MINDY4: variants seen among roughly 807,000 people sequenced by gnomAD.
The protein encoded by MINDY4 is MINDY lysine 48 deubiquitinase 4, also known as probable ubiquitin carboxyl-terminal hydrolase MINDY-4.
In MINDY4, 68 loss-of-function variants were observed where a neutral mutation model predicts 87.0. That is an observed-to-expected ratio of 0.78 (90% CI 0.64 to 0.96). The LOEUF (loss-of-function observed/expected upper bound fraction) is 0.96. Among genes scored for constraint, MINDY4 ranks in the 40% least tolerant of loss-of-function variants. MINDY4 has a pLI of 0.00. For synonymous variants in MINDY4, 379 were observed against 363.2 expected (o/e 1.04, Z -0.50); for missense variants, 919 against 928.2 (o/e 0.99, Z 0.13).
intron 17 of MINDY4, among the ~76,000 whole-genome samples, chr7:30,889,642 A>C (rs10227211): frequency 0.29 from 43,639 of 151,832 alleles, 9,517 homozygotes; most frequent in African/African-American, 0.61. Context: ...AACCCAATAG[A>C]CTCCTCTGGA....
At chr7:30,872,382 C>T (rs1228830650) in intron 14 of MINDY4, 76 bp downstream of exon 14, 2 of 1,366,492 alleles carry the variant, frequency 1.5e-6, no homozygotes, top group South Asian at 1.2e-5. Context: ...CCTCCTCCCT[C>T]CTCTTGCCCC....
intron 5 of MINDY4, among the ~76,000 whole-genome samples, chr7:30,808,946 AGAGAGAGAGAG>A (rs1787899954): frequency 1.0e-5 from 1 of 97,168 alleles, no homozygotes; most frequent in African/African-American, 3.8e-5. Flanking sequence ...AGAGAGAGAG[AGAGAGAGAGAG>A]GCAGAGAGAG....
chr7:30,771,919 C>G (rs1786651201), intron 1 of MINDY4, among the ~76,000 whole-genome samples: 1 of 152,230 alleles, frequency 6.6e-6, no homozygotes, highest in African/African-American at 2.4e-5. Context: ...CTGCCGGCCT[C>G]CGTGCGCTAC....
chr7:30,816,699 G>A (rs993939246), intron 5 of MINDY4, among the ~76,000 whole-genome samples: 1 of 151,936 alleles, frequency 6.6e-6, no homozygotes, highest in African/African-American at 2.4e-5. Context: ...AGAGACTTGG[G>A]TATGCAGCCC....
At chr7:30,807,573 C>T (rs917544359) in intron 5 of MINDY4, among the ~76,000 whole-genome samples, 6 of 152,078 alleles carry the variant, frequency 3.9e-5, no homozygotes, top group Non-Finnish European at 7.3e-5. Context: ...CAATTTCTGC[C>T]TCCAAAGAAA....
At chr7:30,800,031 A>G (rs1021946969) in intron 5 of MINDY4, among the ~76,000 whole-genome samples, 5 of 151,934 alleles carry the variant, frequency 3.3e-5, no homozygotes, top group African/African-American at 7.3e-5. Flanking sequence ...GCAGTGTGCA[A>G]CCTCCTAGAT....
At chr7:30,846,204 T>C (rs547793322) in intron 9 of MINDY4, among the ~76,000 whole-genome samples, 1 of 152,236 alleles carries the variant, frequency 6.6e-6, no homozygotes, top group African/African-American at 2.4e-5. Context: ...CTACCCCCTA[T>C]TGCAGCTTTT....
At chr7:30,838,852 C>T (rs1260072972) in intron 7 of MINDY4, among the ~76,000 whole-genome samples, 1 of 152,104 alleles carries the variant, frequency 6.6e-6, no homozygotes, top group African/African-American at 2.4e-5. Context: ...AGTTTGAAAA[C>T]CCCTAGTCTT....
chr7:30,880,218 TTAAG>T (rs1790415655), intron 15 of MINDY4, among the ~76,000 whole-genome samples: 1 of 150,586 alleles, frequency 6.6e-6, no homozygotes, highest in Non-Finnish European at 1.5e-5. Context: ...CCCTAGAAGA[TTAAG>T]TAATCCCTAA....
intron 15 of MINDY4, among the ~76,000 whole-genome samples, chr7:30,879,020 C>A (rs971916566): frequency 6.6e-6 from 1 of 152,328 alleles, no homozygotes; most frequent in East Asian, 1.9e-4. Context: ...CCAGTGTGAT[C>A]TTTAAAAATA....
chr7:30,802,853 A>G (rs879301050), intron 5 of MINDY4, among the ~76,000 whole-genome samples: 2 of 151,858 alleles, frequency 1.3e-5, no homozygotes, highest in African/African-American at 4.8e-5. Flanking sequence ...GACCAACCAA[A>G]CCAACCAACC....
intron 13 of MINDY4, among the ~76,000 whole-genome samples, chr7:30,867,744 G>A (rs1440524717): frequency 2.0e-5 from 3 of 152,236 alleles, no homozygotes; most frequent in Non-Finnish European, 4.4e-5. Context: ...AGAGTGGCAA[G>A]CAGGAGCTGG....
intron 13 of MINDY4, 141 bp downstream of exon 13, chr7:30,859,465 T>C: frequency 1.3e-6 from 1 of 779,388 alleles, no homozygotes; most frequent in East Asian, 2.5e-5. Flanking sequence ...AGCAGTGGAG[T>C]AGGGGAAGGT....
intron 13 of MINDY4, 25 bp downstream of exon 13, chr7:30,859,349 C>T: frequency 1.2e-6 from 2 of 1,610,490 alleles, no homozygotes; most frequent in Non-Finnish European, 1.7e-6. Context: ...CCCTCAACTC[C>T]CTGGGGCTGG....
intron 12 of MINDY4, 57 bp downstream of exon 12, chr7:30,853,516 T>C: frequency 1.4e-6 from 2 of 1,411,582 alleles, no homozygotes; most frequent in Non-Finnish European, 2.0e-6. Flanking sequence ...CTGATTTCAC[T>C]GTGGGAACAA....
At chr7:30,775,304 A>G (rs1362291989) in intron 1 of MINDY4, among the ~76,000 whole-genome samples, 2 of 152,174 alleles carry the variant, frequency 1.3e-5, no homozygotes, top group Non-Finnish European at 2.9e-5. Context: ...CCCCCTCCAC[A>G]GTTTTAATAA....
chr7:30,778,353 G>T, intron 1 of MINDY4, 79 bp from the exon 2 acceptor site: 1 of 1,570,768 alleles, frequency 6.4e-7, no homozygotes, highest in Non-Finnish European at 8.7e-7. Context: ...TGAACATCAG[G>T]AATCGTTTGC....
At chr7:30,772,276 C>T (rs757704318) in intron 1 of MINDY4, among the ~76,000 whole-genome samples, 20 of 152,064 alleles carry the variant, frequency 1.3e-4, no homozygotes, top group Non-Finnish European at 2.8e-4. Flanking sequence ...TTTGTCTGTC[C>T]TTGCAGTGTC....
chr7:30,802,244 G>C (rs1203988405), intron 5 of MINDY4, among the ~76,000 whole-genome samples: 1 of 151,662 alleles, frequency 6.6e-6, no homozygotes, highest in South Asian at 2.1e-4. Context: ...GGCTGAGTGA[G>C]GTGAAGCATC....
Sources: gnomAD v4.1 joint callset for allele counts (sites outside exome capture counted in the v4.1 genomes callset) on GRCh38, gnomAD v4.1.1 for gene constraint, MANE v1.5 for transcripts, NCBI Gene and HGNC (gene_info 2026-07-23, HGNC 2026-07-21) for gene names.